Variants in RARB observed in about 807,000 individuals in gnomAD.
RARB encodes HBV-activated protein.
In RARB, 17 loss-of-function variants were observed where a neutral mutation model predicts 51.9. That is an observed-to-expected ratio of 0.33 (90% CI 0.22 to 0.49). The LOEUF (loss-of-function observed/expected upper bound fraction) is 0.49, where lower values mean the gene tolerates loss of function less well. Ranked by LOEUF, RARB falls within the 20% of genes least tolerant of loss-of-function variation. The pLI is 0.99. For missense variants in RARB, 369 were observed against 550.8 expected, an observed-to-expected ratio of 0.67 and a Z score of 3.30; for synonymous variants, 215 against 195.4, an observed-to-expected ratio of 1.10 and a Z score of -0.84.
chr3:25,129,941 G>T (rs1699918766), intron 3 of RARB, among the ~76,000 whole-genome samples: 1 of 151,910 alleles, frequency 6.6e-6, no homozygotes, highest in East Asian at 1.9e-4. Context: ...TCTTATATAG[G>T]CTTTCCTTCA....
intron 3 of RARB, among the ~76,000 whole-genome samples, chr3:25,120,642 T>C (rs1699769789): frequency 6.6e-6 from 1 of 151,906 alleles, no homozygotes; most frequent in Non-Finnish European, 1.5e-5. Context: ...TATTGTTAAC[T>C]AAAGTCTAAA....
At chr3:25,340,758 G>A (rs1705204510) in intron 5 of RARB, among the ~76,000 whole-genome samples, 1 of 152,192 alleles carries the variant, frequency 6.6e-6, no homozygotes, top group Admixed American at 6.5e-5. Context: ...GTAGGTCAAA[G>A]CCTGGCAAGG....
intron 2 of RARB, among the ~76,000 whole-genome samples, chr3:24,949,417 C>T (rs183675325): frequency 3.3e-5 from 5 of 152,042 alleles, no homozygotes; most frequent in South Asian, 2.1e-4. Context: ...AGAGGGTGCA[C>T]GGTAAAATCG....
intron 2 of RARB, among the ~76,000 whole-genome samples, chr3:24,921,124 A>G (rs1489423146): frequency 1.3e-5 from 2 of 152,144 alleles, no homozygotes; most frequent in Non-Finnish European, 2.9e-5. Context: ...ATATGCTGAA[A>G]GAGAATTCTG....
At chr3:25,501,961 G>T (rs560608963) in intron 3 of RARB, among the ~76,000 whole-genome samples, 3 of 152,228 alleles carry the variant, frequency 2.0e-5, no homozygotes, top group Admixed American at 6.5e-5. Context: ...AGTATAAAAA[G>T]AGTATGTGTA....
intron 3 of RARB, among the ~76,000 whole-genome samples, chr3:25,124,916 A>G (rs1699837819): frequency 6.6e-6 from 1 of 152,166 alleles, no homozygotes; most frequent in African/African-American, 2.4e-5. Flanking sequence ...AAAACATGTA[A>G]TTCATTTGGT....
At chr3:25,325,344 G>T (rs2125441756) in intron 5 of RARB, among the ~76,000 whole-genome samples, 1 of 152,176 alleles carries the variant, frequency 6.6e-6, no homozygotes, top group Middle Eastern at 3.4e-3. Flanking sequence ...GTTTTGGCTG[G>T]CTTCTTTACC....
chr3:25,583,369 T>C (rs1226584847), intron 5 of RARB, among the ~76,000 whole-genome samples: 1 of 152,340 alleles, frequency 6.6e-6, no homozygotes, highest in Non-Finnish European at 1.5e-5. Flanking sequence ...AGACCCAGGC[T>C]GAGGTTATTC....
At chr3:24,862,354 AG>A (rs1226058284) in intron 2 of RARB, among the ~76,000 whole-genome samples, 4 of 152,318 alleles carry the variant, frequency 2.6e-5, no homozygotes, top group Admixed American at 2.6e-4. Flanking sequence ...ATGTCCAAAG[AG>A]GTGGGTGAAG....
intron 3 of RARB, among the ~76,000 whole-genome samples, chr3:25,534,776 C>A (rs2125647573): frequency 6.6e-6 from 1 of 152,248 alleles, no homozygotes; most frequent in East Asian, 1.9e-4. Context: ...AGCACCTAAG[C>A]CATCATCTTT....
chr3:25,180,636 C>A (rs182141455), intron 5 of RARB, among the ~76,000 whole-genome samples: 1 of 152,312 alleles, frequency 6.6e-6, no homozygotes, highest in East Asian at 1.9e-4. Context: ...GCTCTGGTGA[C>A]TTATGCCTTG....
intron 2 of RARB, among the ~76,000 whole-genome samples, chr3:25,054,373 T>C (rs1698396507): frequency 6.6e-6 from 1 of 152,104 alleles, no homozygotes; most frequent in Admixed American, 6.6e-5. Flanking sequence ...TAAATCAGTG[T>C]AGGGAGATGA....
chr3:25,154,208 A>G (rs1700338729), intron 4 of RARB, among the ~76,000 whole-genome samples: 1 of 152,208 alleles, frequency 6.6e-6, no homozygotes, highest in African/African-American at 2.4e-5. Flanking sequence ...TAATGGATAT[A>G]TCTGCTAGTA....
At chr3:25,080,311 A>C (rs1430773191) in intron 3 of RARB, among the ~76,000 whole-genome samples, 3 of 152,204 alleles carry the variant, frequency 2.0e-5, no homozygotes, top group Non-Finnish European at 4.4e-5. Context: ...TGTATAACAC[A>C]TTTTGTTTAT....
At position 25,567,417 on chromosome 3, in the gene RARB, C is replaced by T. The variant is rs80274858; in HGVS notation, c.449-2341C>T. On this transcript the variant is annotated intron_variant, in intron 3 of 7. Coordinates refer to ENST00000330688, the MANE Select transcript of RARB (RefSeq NM_000965.5). ...GAATCACACAATGTGTGGCCTTTTG[C>T]GACTGGCTTCTTTAAGGCGTATGTG... 1.2e-4 allele frequency among the ~76,000 whole-genome samples: 18 copies of T among 152,256 alleles called. No homozygotes were observed. In the East Asian group the frequency reaches 3.1e-3, roughly 26 times the overall value.
intron 3 of RARB, among the ~76,000 whole-genome samples, chr3:25,065,958 G>T (rs1213339215): frequency 6.6e-6 from 1 of 151,954 alleles, no homozygotes; most frequent in Non-Finnish European, 1.5e-5. Flanking sequence ...AAGTGGTATT[G>T]CTTTCTTCTA....
intron 2 of RARB, among the ~76,000 whole-genome samples, chr3:24,862,003 T>C (rs1702757636): frequency 6.6e-6 from 1 of 152,212 alleles, no homozygotes; most frequent in Non-Finnish European, 1.5e-5. Flanking sequence ...TCACTGTGAC[T>C]ACACTTCCGA....
At chr3:25,524,609 C>T (rs199681170) in intron 3 of RARB, among the ~76,000 whole-genome samples, 2 of 150,328 alleles carry the variant, frequency 1.3e-5, no homozygotes, top group African/African-American at 4.9e-5. Flanking sequence ...TCTCTTCCCC[C>T]CTCCCTTCCT....
chr3:25,383,487 G>T (rs1346036825), intron 5 of RARB, among the ~76,000 whole-genome samples: 3 of 152,220 alleles, frequency 2.0e-5, no homozygotes, highest in Non-Finnish European at 1.5e-5. Flanking sequence ...GAACTAGGAG[G>T]CTGAGCAATG....
Sources: allele counts gnomAD v4.1 joint callset (sites outside exome capture counted in the v4.1 genomes callset), GRCh38; gene constraint gnomAD v4.1.1; transcripts MANE v1.5; gene names NCBI Gene and HGNC (gene_info 2026-07-23, HGNC 2026-07-21).